COL4A4: variants seen among roughly 807,000 people sequenced by gnomAD.
COL4A4 encodes the protein collagen alpha-4(IV) chain.
A neutral mutation model predicts 192.9 loss-of-function variants in COL4A4; 105 were observed. The ratio of observed to expected loss-of-function variants is 0.54; its 90% CI spans 0.46 to 0.64. The LOEUF (loss-of-function observed/expected upper bound fraction) is 0.64, where lower values mean the gene tolerates loss of function less well. Among genes scored for constraint, COL4A4 ranks in the 30% least tolerant of loss-of-function variants. The pLI is 0.00. For missense variants in COL4A4, 1,967 were observed against 2,169.3 expected (o/e 0.91, Z 1.85); for synonymous variants, 762 against 769.9 (o/e 0.99, Z 0.17).
intron 37 of COL4A4, among the ~76,000 whole-genome samples, chr2:227,033,921 G>A (rs1968965850): frequency 6.6e-6 from 1 of 152,094 alleles, no homozygotes; most frequent in South Asian, 2.1e-4. Flanking sequence ...GTTTCTTCAG[G>A]ATCTACTCAT....
intron 46 of COL4A4, 88 bp from the exon 47 acceptor site, chr2:227,008,392 A>G (rs1962695899): frequency 6.9e-7 from 1 of 1,455,308 alleles, no homozygotes; most frequent in Non-Finnish European, 9.5e-7. Flanking sequence ...GCCTTTGCAG[A>G]TACGTGTTCT....
chr2:227,087,094 A>G (rs1335883758), intron 22 of COL4A4, among the ~76,000 whole-genome samples: 1 of 152,192 alleles, frequency 6.6e-6, no homozygotes, highest in Admixed American at 6.5e-5. Context: ...GAGGGGACAG[A>G]GGGCTCTCTC....
intron 1 of COL4A4, among the ~76,000 whole-genome samples, chr2:227,157,496 A>T (rs556714399): frequency 1.3e-5 from 2 of 152,124 alleles, no homozygotes; most frequent in Admixed American, 1.3e-4. Context: ...AATCAATGAA[A>T]CCCAACATTA....
chr2:226,988,441 G>A, the COL4A4 span: 26,594 of 1,550,062 alleles, frequency 0.017, 273 homozygotes, highest in Non-Finnish European at 0.021. Flanking sequence ...CCGCAGTTTG[G>A]ACCTAAGGAA....
At chr2:227,091,195 G>A (rs1433836469) in intron 20 of COL4A4, among the ~76,000 whole-genome samples, 1 of 151,370 alleles carries the variant, frequency 6.6e-6, no homozygotes, top group Non-Finnish European at 1.5e-5. Flanking sequence ...CCTGAAACAT[G>A]AACAGCCTGC....
chr2:227,060,505 T>C (rs1976675773), intron 26 of COL4A4, among the ~76,000 whole-genome samples: 1 of 152,200 alleles, frequency 6.6e-6, no homozygotes, highest in South Asian at 2.1e-4. Context: ...TTGGAACTTG[T>C]ACCACCATTC....
the COL4A4 span, among the ~76,000 whole-genome samples, chr2:226,989,919 A>G: frequency 1.3e-5 from 2 of 152,200 alleles, no homozygotes; most frequent in Non-Finnish European, 2.9e-5. Flanking sequence ...GAGATTCCAG[A>G]TATTATTTCA....
chr2:227,048,582 G>A (rs113380832), intron 34 of COL4A4, among the ~76,000 whole-genome samples: 4,847 of 152,266 alleles, frequency 0.032, 117 homozygotes, highest in African/African-American at 0.065. Flanking sequence ...GGGAAAAAGT[G>A]AGAAACCATG....
At chr2:227,124,425 G>A (rs1368587773) in intron 4 of COL4A4, among the ~76,000 whole-genome samples, 1 of 152,116 alleles carries the variant, frequency 6.6e-6, no homozygotes, top group Admixed American at 6.5e-5. Flanking sequence ...TCATTAACTC[G>A]ACAAACATGA....
At chr2:227,026,159 T>G (rs2149900482) in intron 42 of COL4A4, among the ~76,000 whole-genome samples, 1 of 152,250 alleles carries the variant, frequency 6.6e-6, no homozygotes, top group East Asian at 1.9e-4. Context: ...AATTTCATAT[T>G]AATTTGCCAA....
intron 1 of COL4A4, among the ~76,000 whole-genome samples, chr2:227,157,962 C>T (rs1186134255): frequency 6.6e-6 from 1 of 152,010 alleles, no homozygotes; most frequent in African/African-American, 2.4e-5. Context: ...AGGAAAACTA[C>T]AGAACAATAT....
the COL4A4 span, among the ~76,000 whole-genome samples, chr2:226,979,527 G>A: frequency 6.6e-6 from 1 of 152,130 alleles, no homozygotes; most frequent in Non-Finnish European, 1.5e-5. Flanking sequence ...GATTCTCTAG[G>A]AGCCCGTTTT....
chr2:226,974,721 AGTGTCCCGCACCCAAGAGCAGG>A, the COL4A4 span, among the ~76,000 whole-genome samples: 1 of 152,170 alleles, frequency 6.6e-6, no homozygotes, highest in African/African-American at 2.4e-5. Flanking sequence ...GATCCTCTTT[AGTGTCCCGCACCCAAGAGCAGG>A]GTGGATACTC....
In COL4A4 at chr2:227,007,451, G is replaced by A. The variant is rs918428666; in HGVS notation, c.4947C>T (p.Ser1649=). Residue 1649 remains serine, a synonymous_variant, in exon 48 of 48, where the codon AGC becomes AGT. Transcript: ENST00000396625. ...CTGCTTTCACCGTTGTGAGCCAGAA[G>A]CTATACTTATTTGCGAAAAAGTGGC... ...GTCHFFANKY[S]FWLTTVKADL... The A allele has an allele frequency of 1.2e-6, 2 of 1,614,088 alleles. No individual in the cohort carries two copies. Among genetic ancestry groups the A allele is most frequent in the Admixed American group, 3.3e-5 (2 of 60,002 alleles).
At chr2:226,983,648 G>A in the COL4A4 span, among the ~76,000 whole-genome samples, 1 of 151,990 alleles carries the variant, frequency 6.6e-6, no homozygotes, top group Admixed American at 6.6e-5. Context: ...TTGAATGCTT[G>A]GGATGATGTT....
intron 42 of COL4A4, among the ~76,000 whole-genome samples, chr2:227,027,341 G>A (rs1967105440): frequency 6.7e-6 from 1 of 149,198 alleles, no homozygotes; most frequent in African/African-American, 2.5e-5. Flanking sequence ...CATGGATGAA[G>A]CTGGAAACCA....
At chr2:226,978,336 G>T in the COL4A4 span, among the ~76,000 whole-genome samples, 1 of 151,792 alleles carries the variant, frequency 6.6e-6, no homozygotes, top group Non-Finnish European at 1.5e-5. Context: ...CTAATTTTTT[G>T]CCAAGCCACT....
intron 40 of COL4A4, among the ~76,000 whole-genome samples, 188 bp from the exon 41 acceptor site, chr2:227,030,786 G>T (rs989271432): frequency 6.6e-6 from 1 of 152,220 alleles, no homozygotes; most frequent in African/African-American, 2.4e-5. Flanking sequence ...GTTGAGAAAT[G>T]GTGTAGATAA....
intron 41 of COL4A4, among the ~76,000 whole-genome samples, chr2:227,028,964 C>T (rs1157554766): frequency 6.6e-6 from 1 of 152,150 alleles, no homozygotes; most frequent in Non-Finnish European, 1.5e-5. Context: ...CAAGCGGAAA[C>T]TCTGTCCTTA....
Sources: allele counts gnomAD v4.1 joint callset (sites outside exome capture counted in the v4.1 genomes callset), GRCh38; gene constraint gnomAD v4.1.1; transcripts MANE v1.5; gene names NCBI Gene and HGNC (gene_info 2026-07-23, HGNC 2026-07-21).